The following PACRG variants were observed in gnomAD, a reference collection of about 807,000 sequenced individuals.
The protein encoded by PACRG is parkin coregulated.
PACRG carries 29 observed loss-of-function variants against 29.7 expected under a neutral mutation model. The observed-to-expected ratio is 0.98, with a 90% CI of 0.73 to 1.33. The LOEUF (loss-of-function observed/expected upper bound fraction) is 1.33. Ranked by LOEUF, PACRG falls within the 40% of genes most tolerant of loss-of-function variation. The probability of loss-of-function intolerance (pLI) is 0.00; values close to 1 mark genes in which losing one functional copy is unlikely to be tolerated. For synonymous variants in PACRG, 116 were observed against 118.7 expected (o/e 0.98, Z 0.15); for missense variants, 279 against 316.2 (o/e 0.88, Z 0.89).
At chr6:163,135,337 C>T (rs916373879) in intron 4 of PACRG, among the ~76,000 whole-genome samples, 7 of 152,150 alleles carry the variant, frequency 4.6e-5, no homozygotes, top group Non-Finnish European at 8.8e-5. Context: ...TACAGGCACA[C>T]GCCACCATGC....
intron 2 of PACRG, among the ~76,000 whole-genome samples, chr6:162,842,830 G>T (rs1433049340): frequency 8.1e-6 from 1 of 123,622 alleles, no homozygotes. Flanking sequence ...TGTCTGTAAA[G>T]TATTTTATTT....
At chr6:163,195,968 C>T (rs953381619) in intron 4 of PACRG, among the ~76,000 whole-genome samples, 1 of 152,174 alleles carries the variant, frequency 6.6e-6, no homozygotes, top group Non-Finnish European at 1.5e-5. Context: ...GCGCAGCTCC[C>T]TCTTGCTCTT....
At chr6:163,205,735 T>G (rs186470058) in intron 4 of PACRG, among the ~76,000 whole-genome samples, 25 of 152,236 alleles carry the variant, frequency 1.6e-4, no homozygotes, top group South Asian at 8.3e-4. Flanking sequence ...CTAAAGAGCT[T>G]CTGCACAGCA....
Position 162,992,952 on chromosome 6 carries a change from G to C in PACRG, c.292-69198G>C, listed in dbSNP as rs185478229. Among the ~76,000 whole-genome samples the C allele has an allele frequency of 2.1e-3, 324 of 151,730 alleles. 1 individual carries two copies. The highest frequency in any genetic ancestry group is 7.3e-3 in the African/African-American group (303 of 41,346). On this transcript the variant is annotated intron_variant, in intron 2 of 4. Coordinates refer to ENST00000366888, the MANE Select transcript of PACRG (RefSeq NM_001080379.2). The stretch of plus-strand genomic sequence containing the variant: ...TCTGGTATGTTGTGTCTCTGTTCTC[G>C]TTGGTTTCAAAGAACATCTTTATTT...
At chr6:162,756,876 T>G (rs1189008565) in intron 1 of PACRG, among the ~76,000 whole-genome samples, 1 of 152,174 alleles carries the variant, frequency 6.6e-6, no homozygotes, top group Non-Finnish European at 1.5e-5. Flanking sequence ...GAGGCCACTT[T>G]AAGCTGAGAA....
chr6:163,026,454 C>T (rs1183667988), intron 2 of PACRG, among the ~76,000 whole-genome samples: 2 of 152,104 alleles, frequency 1.3e-5, no homozygotes, highest in Admixed American at 1.3e-4. Context: ...TATGGCATTT[C>T]TAATAATAAA....
Position 163,176,515 on chromosome 6 carries a change from T to C in PACRG, c.613+87107T>C, listed in dbSNP as rs576822973. 1.2e-4 allele frequency among the ~76,000 whole-genome samples: 19 copies of C among 152,164 alleles called. No individual in the cohort carries two copies. In the South Asian group the frequency reaches 3.3e-3, roughly 27 times the overall value. On this transcript the variant is annotated intron_variant, in intron 4 of 4. Coordinates refer to ENST00000366888, the MANE Select transcript of PACRG (RefSeq NM_001080379.2). ...AAATATTTATTGAAACCTACCAGGC[T>C]AAAAAGCATTGTGCTAAAAGCTGGA...
intron 2 of PACRG, among the ~76,000 whole-genome samples, chr6:162,898,583 T>C (rs1391706440): frequency 1.3e-5 from 2 of 152,226 alleles, no homozygotes; most frequent in African/African-American, 4.8e-5. Flanking sequence ...CTATCTGTTA[T>C]CAGCTGTGTG....
chr6:162,814,171 G>A lies in PACRG; in HGVS notation c.181G>A (p.Ala61Thr), dbSNP rs1161808674. The change falls in exon 2 of 5, where the codon GCA (alanine) becomes ACA (threonine). Residue 61 changes from alanine to threonine, a missense_variant. Ala to Thr is a moderately conservative substitution (Grantham distance 58, BLOSUM62 0). Transcript: ENST00000366888. The part of the protein sequence containing the change: ...SVVRGPPAAG[A>T]FKERPTKPTA... ...GGTGAGAGGCCCTCCAGCTGCAGGG[G>A]CATTTAAAGAAAGACCAACCAAGCC... 10 of 1,611,930 alleles carry A rather than the reference G, an allele frequency of 6.2e-6. No homozygotes were observed. Among genetic ancestry groups the A allele is most frequent in the African/African-American group, 1.3e-5 (1 of 74,708 alleles).
At chr6:162,983,808 AT>A (rs1377096407) in intron 2 of PACRG, among the ~76,000 whole-genome samples, 2 of 151,836 alleles carry the variant, frequency 1.3e-5, no homozygotes, top group African/African-American at 4.8e-5. Flanking sequence ...TTTGTGACAA[AT>A]TTTTCAGCTG....
chr6:163,000,839 G>T (rs1804526294), intron 2 of PACRG, among the ~76,000 whole-genome samples: 2 of 152,174 alleles, frequency 1.3e-5, no homozygotes, highest in South Asian at 4.1e-4. Context: ...GGAGTTTATG[G>T]TTTAGAGAGG....
At chr6:163,119,253 A>G (rs1562926790) in intron 4 of PACRG, among the ~76,000 whole-genome samples, 1 of 152,240 alleles carries the variant, frequency 6.6e-6, no homozygotes, top group Non-Finnish European at 1.5e-5. Context: ...CTTCGCAGCC[A>G]TGAGATATGC....
chr6:162,841,802 T>C (rs1332773104), intron 2 of PACRG, among the ~76,000 whole-genome samples: 3 of 152,280 alleles, frequency 2.0e-5, no homozygotes, highest in Non-Finnish European at 4.4e-5. Flanking sequence ...TGTATCTTTG[T>C]TCTCGTTGGT....
At chr6:163,238,722 T>C (rs996230970) in intron 4 of PACRG, among the ~76,000 whole-genome samples, 9 of 152,236 alleles carry the variant, frequency 5.9e-5, no homozygotes, top group African/African-American at 2.2e-4. Context: ...GAATAACTCT[T>C]CTTTGAGTTC....
intron 2 of PACRG, among the ~76,000 whole-genome samples, chr6:163,018,098 G>A (rs1270291601): frequency 6.6e-6 from 1 of 152,006 alleles, no homozygotes; most frequent in Admixed American, 6.6e-5. Context: ...CACACTTTTA[G>A]GAATGCTAAA....
chr6:163,259,081 T>C (rs1783224506), intron 4 of PACRG, among the ~76,000 whole-genome samples: 1 of 152,170 alleles, frequency 6.6e-6, no homozygotes, highest in Non-Finnish European at 1.5e-5. Flanking sequence ...TTTTTACAAA[T>C]GAGGAATCTG....
intron 1 of PACRG, among the ~76,000 whole-genome samples, chr6:162,799,164 C>G (rs1785632965): frequency 6.6e-6 from 1 of 152,096 alleles, no homozygotes; most frequent in Admixed American, 6.6e-5. Context: ...GACCAAACTT[C>G]AGCCAGCTTT....
At chr6:163,148,432 T>C (rs1777893380) in intron 4 of PACRG, among the ~76,000 whole-genome samples, 1 of 152,216 alleles carries the variant, frequency 6.6e-6, no homozygotes, top group African/African-American at 2.4e-5. Context: ...GCAGGCCACA[T>C]CTGGCCATCA....
chr6:163,148,261 T>G (rs1777885447), intron 4 of PACRG, among the ~76,000 whole-genome samples: 1 of 152,196 alleles, frequency 6.6e-6, no homozygotes. Flanking sequence ...GTCATCTCTG[T>G]GCCCTCCCAC....
Sources: gnomAD v4.1 joint callset for allele counts (sites outside exome capture counted in the v4.1 genomes callset) on GRCh38, gnomAD v4.1.1 for gene constraint, MANE v1.5 for transcripts, NCBI Gene and HGNC (gene_info 2026-07-23, HGNC 2026-07-21) for gene names.